Variants in EPC2 observed in about 807,000 individuals in gnomAD.
EPC2 encodes the protein enhancer of polycomb 2, also known as enhancer of polycomb homolog 2.
In EPC2, 14 loss-of-function variants were observed where a neutral mutation model predicts 92.1. That is an observed-to-expected ratio of 0.15 (90% CI 0.10 to 0.24). The LOEUF (loss-of-function observed/expected upper bound fraction) is 0.24. EPC2 is among the 10% of genes least tolerant of loss of function. The pLI is 1.00. For missense variants in EPC2, 755 were observed against 971.5 expected (o/e 0.78, Z 2.96); for synonymous variants, 340 against 334.7 (o/e 1.02, Z -0.17).
At chr2:148,785,446 G>C (rs1438164471) in intron 13 of EPC2, among the ~76,000 whole-genome samples, 1 of 151,946 alleles carries the variant, frequency 6.6e-6, no homozygotes. Flanking sequence ...TCCTGCCTCA[G>C]CCTCCCAAGT....
intron 2 of EPC2, among the ~76,000 whole-genome samples, chr2:148,693,445 T>C (rs979686287): frequency 3.9e-5 from 6 of 152,158 alleles, no homozygotes; most frequent in Non-Finnish European, 7.3e-5. Context: ...CTGTTGACTA[T>C]AGGATAAAAT....
chr2:148,779,141 C>A (rs201700470), intron 10 of EPC2, among the ~76,000 whole-genome samples: 3 of 151,824 alleles, frequency 2.0e-5, no homozygotes, highest in South Asian at 2.1e-4. Context: ...GGAGACACCC[C>A]AAAAAACAGC....
intron 2 of EPC2, among the ~76,000 whole-genome samples, chr2:148,729,325 A>G (rs1574608839): frequency 1.3e-5 from 2 of 152,192 alleles, no homozygotes; most frequent in East Asian, 3.9e-4. Flanking sequence ...ATTTTTTTTA[A>G]TAAGCCTTTT....
chr2:148,764,386 A>G (rs561552156), intron 6 of EPC2, among the ~76,000 whole-genome samples: 26 of 152,272 alleles, frequency 1.7e-4, no homozygotes, highest in African/African-American at 5.8e-4. Context: ...TCTTTGCCAG[A>G]TGGCCTCTCA....
intron 3 of EPC2, among the ~76,000 whole-genome samples, chr2:148,749,035 G>A (rs996997147): frequency 2.6e-5 from 4 of 152,142 alleles, no homozygotes; most frequent in African/African-American, 4.8e-5. Flanking sequence ...TTCCAGCCAT[G>A]CTGAACTTCT....
At chr2:148,675,902 C>T (rs1408880357) in intron 1 of EPC2, among the ~76,000 whole-genome samples, 1 of 152,120 alleles carries the variant, frequency 6.6e-6, no homozygotes, top group Non-Finnish European at 1.5e-5. Flanking sequence ...TGTGTGTAGC[C>T]TAATTCAGTG....
intron 2 of EPC2, chr2:148,691,751 G>T (rs1041184390): frequency 1.1e-6 from 1 of 912,900 alleles, no homozygotes; most frequent in East Asian, 2.6e-5. Context: ...TTCTCAGGAA[G>T]ATTTTTTGCT....
intron 12 of EPC2, among the ~76,000 whole-genome samples, chr2:148,784,236 G>A (rs1167596402): frequency 6.6e-6 from 1 of 152,150 alleles, no homozygotes; most frequent in Non-Finnish European, 1.5e-5. Context: ...CCCTGAGTCC[G>A]CAAAGACTTG....
At position 148,669,565 on chromosome 2, in the gene EPC2, C is replaced by G. The variant is rs542336514; in HGVS notation, c.154-20649C>G. Reference sequence around the variant, plus strand: ...GGTGTGATGGTGTAAACCTGTTGTCCCAGTTACTCGTGAGGCTGAGGCAGG... The same window carrying G: ...GGTGTGATGGTGTAAACCTGTTGTCGCAGTTACTCGTGAGGCTGAGGCAGG... On this transcript the variant is annotated intron_variant, in intron 1 of 13. Coordinates refer to ENST00000258484, the MANE Select transcript of EPC2 (RefSeq NM_015630.4). Among the ~76,000 whole-genome samples, 3 of 152,138 alleles carry G rather than the reference C, an allele frequency of 2.0e-5. No individual in the cohort carries two copies. The South Asian group carries it at 6.2e-4, about 32-fold the overall frequency.
chr2:148,767,742 C>G (rs1683436909), intron 7 of EPC2, among the ~76,000 whole-genome samples: 1 of 152,196 alleles, frequency 6.6e-6, no homozygotes, highest in African/African-American at 2.4e-5. Context: ...TCCGATTTTC[C>G]TAACATTAGC....
At chr2:148,699,151 G>T (rs1681822676) in intron 2 of EPC2, among the ~76,000 whole-genome samples, 1 of 151,836 alleles carries the variant, frequency 6.6e-6, no homozygotes, top group Non-Finnish European at 1.5e-5. Flanking sequence ...AAGATTTTAG[G>T]CTTTTTAAAA....
chr2:148,741,640 A>G (rs1275685296), intron 2 of EPC2, among the ~76,000 whole-genome samples: 1 of 152,194 alleles, frequency 6.6e-6, no homozygotes, highest in African/African-American at 2.4e-5. Context: ...ACATCGCTGC[A>G]CAGACAGCCT....
Position 148,644,768 on chromosome 2 carries a change from T to G in EPC2, c.-250T>G. ...GCCGCTGTGGTAATGTCCGCCATGT[T>G]GGCCATGGCGCAGGGAGCGGATCGG... On this transcript the variant is annotated 5_prime_UTR_variant, in exon 1 of 14. Coordinates refer to ENST00000258484, the MANE Select transcript of EPC2 (RefSeq NM_015630.4). 1 of 402,372 alleles carries G rather than the reference T, an allele frequency of 2.5e-6. No homozygotes were observed. Among genetic ancestry groups the G allele is most frequent in the Non-Finnish European group, 4.4e-6 (1 of 225,850 alleles). 24.9% of individuals were successfully genotyped at this position (402,372 alleles called of 1,614,324 possible). A position where few individuals can be genotyped will look rare whatever the true frequency, so the allele number is the denominator to read the frequency against.
At chr2:148,746,880 G>A (rs1682995793) in intron 3 of EPC2, among the ~76,000 whole-genome samples, 1 of 151,742 alleles carries the variant, frequency 6.6e-6, no homozygotes, top group Non-Finnish European at 1.5e-5. Flanking sequence ...AAATACAAAA[G>A]CTAACAATAC....
intron 2 of EPC2, among the ~76,000 whole-genome samples, chr2:148,707,178 A>G (rs1392980323): frequency 1.3e-5 from 2 of 152,210 alleles, no homozygotes; most frequent in Non-Finnish European, 2.9e-5. Flanking sequence ...GGAAAACAAA[A>G]AGAGGCAGGG....
chr2:148,747,448 A>T (rs1683007171), intron 3 of EPC2, among the ~76,000 whole-genome samples: 1 of 152,004 alleles, frequency 6.6e-6, no homozygotes. Context: ...AAGGTGCCCA[A>T]GTCCCTATTT....
chr2:148,743,565 A>G lies in EPC2; in HGVS notation c.314-57A>G, dbSNP rs531865517. Reference sequence around the variant, plus strand: ...GGTAGTCTGCAGTCAAATATGATGAACAATGTATAATTTCATAATTTCTCC... The same window carrying G: ...GGTAGTCTGCAGTCAAATATGATGAGCAATGTATAATTTCATAATTTCTCC... On this transcript the variant is annotated intron_variant, in intron 2 of 13. Coordinates refer to ENST00000258484, the MANE Select transcript of EPC2 (RefSeq NM_015630.4). 3.6e-6 allele frequency: 5 copies of G among 1,373,106 alleles called. No homozygotes were observed. The Admixed American group carries it at 1.4e-4, about 39-fold the overall frequency. 85.1% of individuals were successfully genotyped at this position (1,373,106 alleles called of 1,614,324 possible).
At chr2:148,727,224 A>G (rs1376016905) in intron 2 of EPC2, among the ~76,000 whole-genome samples, 1 of 151,948 alleles carries the variant, frequency 6.6e-6, no homozygotes, top group African/African-American at 2.4e-5. Context: ...TATCCTTGTC[A>G]ATCATTTGAC....
chr2:148,691,507 A>G, intron 2 of EPC2: 3 of 1,549,628 alleles, frequency 1.9e-6, no homozygotes, highest in East Asian at 2.4e-5. Flanking sequence ...ACTGCTTTTC[A>G]TTGATTCTGA....
Sources: gnomAD v4.1 joint callset for allele counts (sites outside exome capture counted in the v4.1 genomes callset) on GRCh38, gnomAD v4.1.1 for gene constraint, MANE v1.5 for transcripts, NCBI Gene and HGNC (gene_info 2026-07-23, HGNC 2026-07-21) for gene names.